Variants in RBFOX1 observed in about 807,000 individuals in gnomAD.
The protein encoded by RBFOX1 is RNA binding fox-1 homolog 1.
In RBFOX1, 8 loss-of-function variants were observed where a neutral mutation model predicts 57.7. The observed-to-expected ratio is 0.14, with a 90% CI of 0.08 to 0.25. RBFOX1 has a LOEUF of 0.25. Among genes scored for constraint, RBFOX1 ranks in the 10% least tolerant of loss-of-function variants. The pLI, the probability that RBFOX1 is intolerant of heterozygous loss-of-function variation, is 1.00. For synonymous variants in RBFOX1, 326 were observed against 222.4 expected (o/e 1.47, Z -4.15); for missense variants, 611 against 548.5 (o/e 1.11, Z -1.14).
chr16:7,106,159 C>G (rs1313327274), intron 4 of RBFOX1, among the ~76,000 whole-genome samples: 1 of 152,200 alleles, frequency 6.6e-6, no homozygotes, highest in Non-Finnish European at 1.5e-5. Context: ...TGTGAAGACA[C>G]AGTGCACTTT....
In RBFOX1 at chr16:7,219,554, C is replaced by A. The variant is rs145407488; in HGVS notation, c.27+167456C>A. Among the ~76,000 whole-genome samples the A allele has an allele frequency of 8.6e-3, 1,306 of 152,254 alleles. 19 individuals are homozygous for A. Among genetic ancestry groups the A allele is most frequent in the African/African-American group, 0.025 (1,048 of 41,540 alleles). On this transcript the variant is annotated intron_variant, in intron 4 of 15. Transcript: ENST00000550418. Reference sequence around the variant, plus strand: ...AGAGGAAACAAATATGACAGACTTGCTATTTTGTAGTGCCCAGAAAATATG... The same window carrying A: ...AGAGGAAACAAATATGACAGACTTGATATTTTGTAGTGCCCAGAAAATATG...
intron 4 of RBFOX1, among the ~76,000 whole-genome samples, chr16:5,964,497 A>G (rs2059806968): frequency 6.6e-6 from 1 of 152,212 alleles, no homozygotes; most frequent in African/African-American, 2.4e-5. Context: ...CTAAGAGTCC[A>G]ATGGTGGATG....
chr16:5,245,700 G>A (rs761324399), intron 1 of RBFOX1, among the ~76,000 whole-genome samples: 2 of 152,032 alleles, frequency 1.3e-5, no homozygotes, highest in African/African-American at 4.8e-5. Context: ...CCAAAGTGCT[G>A]GGATTATAGG....
At chr16:5,609,160 A>G (rs916965142) in intron 3 of RBFOX1, among the ~76,000 whole-genome samples, 1 of 152,214 alleles carries the variant, frequency 6.6e-6, no homozygotes, top group African/African-American at 2.4e-5. Context: ...TGTGCTGTGT[A>G]TCGAAATGGG....
At chr16:6,407,195 A>G (rs1478231202) in intron 2 of RBFOX1, among the ~76,000 whole-genome samples, 1 of 152,162 alleles carries the variant, frequency 6.6e-6, no homozygotes, top group Non-Finnish European at 1.5e-5. Context: ...ATGTCTATAC[A>G]TCTATAACTA....
intron 5 of RBFOX1, among the ~76,000 whole-genome samples, chr16:7,559,142 A>G (rs1344550236): frequency 6.6e-6 from 1 of 152,236 alleles, no homozygotes; most frequent in Non-Finnish European, 1.5e-5. Flanking sequence ...AATGTCAGAG[A>G]AAGCTGCAGG....
intron 1 of RBFOX1, among the ~76,000 whole-genome samples, chr16:6,293,899 G>T (rs1042337040): frequency 5.6e-5 from 1 of 17,972 alleles, no homozygotes; most frequent in African/African-American, 9.6e-5. Flanking sequence ...GGTGAGCGGG[G>T]GGGTGGTGGA....
intron 4 of RBFOX1, among the ~76,000 whole-genome samples, chr16:5,925,381 T>C (rs1369620633): frequency 2.6e-5 from 4 of 151,966 alleles, no homozygotes; most frequent in African/African-American, 4.8e-5. Flanking sequence ...GAAAATACCA[T>C]ACTTAGTAGA....
At chr16:7,232,099 C>A (rs2093532341) in intron 4 of RBFOX1, among the ~76,000 whole-genome samples, 1 of 152,106 alleles carries the variant, frequency 6.6e-6, no homozygotes, top group South Asian at 2.1e-4. Flanking sequence ...AATCGGCTCA[C>A]TGCAAATTCC....
intron 2 of RBFOX1, among the ~76,000 whole-genome samples, chr16:5,564,059 G>T (rs2045978369): frequency 6.6e-6 from 1 of 152,016 alleles, no homozygotes; most frequent in African/African-American, 2.4e-5. Context: ...TGTCACCCAG[G>T]CTGGAGTGCA....
intron 2 of RBFOX1, among the ~76,000 whole-genome samples, chr16:5,511,035 T>A (rs943875062): frequency 2.0e-5 from 3 of 152,178 alleles, no homozygotes; most frequent in Admixed American, 2.0e-4. Context: ...GGAGGTCCTT[T>A]GGAAGGAAGG....
chr16:6,231,080 A>T (rs1054554701), intron 1 of RBFOX1, among the ~76,000 whole-genome samples: 1 of 152,158 alleles, frequency 6.6e-6, no homozygotes, highest in Non-Finnish European at 1.5e-5. Context: ...AGAAGGGTCT[A>T]TTTGGGTAAG....
At chr16:6,636,681 CATTT>C (rs936756602) in intron 2 of RBFOX1, among the ~76,000 whole-genome samples, 33 of 148,620 alleles carry the variant, frequency 2.2e-4, no homozygotes, top group African/African-American at 7.6e-4. Context: ...ATCACATAAA[CATTT>C]ATATTCTATT....
At chr16:7,338,872 T>C (rs2096841854) in intron 4 of RBFOX1, among the ~76,000 whole-genome samples, 1 of 152,212 alleles carries the variant, frequency 6.6e-6, no homozygotes, top group African/African-American at 2.4e-5. Context: ...GGTCTTGATA[T>C]TGCTGCCCTG....
chr16:5,871,488 C>T (rs1879064952), intron 4 of RBFOX1, among the ~76,000 whole-genome samples: 1 of 152,246 alleles, frequency 6.6e-6, no homozygotes, highest in Non-Finnish European at 1.5e-5. Context: ...CCTTCCCCTT[C>T]AAAATCATTA....
At chr16:5,907,006 G>A (rs1380372607) in intron 4 of RBFOX1, among the ~76,000 whole-genome samples, 1 of 151,908 alleles carries the variant, frequency 6.6e-6, no homozygotes, top group Non-Finnish European at 1.5e-5. Context: ...CAAAGTGCTG[G>A]GATTACAGGC....
chr16:6,697,375 A>C (rs564664060), intron 3 of RBFOX1, among the ~76,000 whole-genome samples: 6 of 152,290 alleles, frequency 3.9e-5, no homozygotes, highest in Admixed American at 6.5e-5. Flanking sequence ...TTTGGGTGCA[A>C]GCAACAGAAA....
intron 3 of RBFOX1, among the ~76,000 whole-genome samples, chr16:7,034,732 A>G (rs1034027383): frequency 5.4e-5 from 8 of 148,760 alleles, no homozygotes; most frequent in Non-Finnish European, 1.2e-4. Flanking sequence ...GCCCCTGTAG[A>G]TTTATTGTGA....
At chr16:5,893,776 A>C (rs149208252) in intron 4 of RBFOX1, among the ~76,000 whole-genome samples, 11 of 151,758 alleles carry the variant, frequency 7.2e-5, no homozygotes, top group African/African-American at 2.4e-4. Context: ...ACTGCACTCC[A>C]GCCTGGGTGA....
Sources: gnomAD v4.1 joint callset for allele counts (sites outside exome capture counted in the v4.1 genomes callset) on GRCh38, gnomAD v4.1.1 for gene constraint, MANE v1.5 for transcripts, NCBI Gene and HGNC (gene_info 2026-07-23, HGNC 2026-07-21) for gene names.